Variants in NKAIN2 observed in about 807,000 individuals in gnomAD.
The protein encoded by NKAIN2 is sodium/potassium transporting ATPase interacting 2.
Under a neutral mutation model 32.6 loss-of-function variants are expected in NKAIN2, and 14 were observed. The ratio of observed to expected loss-of-function variants is 0.43; its 90% CI spans 0.28 to 0.67. The LOEUF (loss-of-function observed/expected upper bound fraction) is 0.67, where lower values mean the gene tolerates loss of function less well. Ranked by LOEUF, NKAIN2 falls within the 30% of genes least tolerant of loss-of-function variation. The pLI is 0.17. For synonymous variants in NKAIN2, 80 were observed against 87.2 expected (o/e 0.92, Z 0.46); for missense variants, 198 against 258.3 (o/e 0.77, Z 1.60).
At chr6:124,096,636 T>G (rs561332043) in intron 1 of NKAIN2, among the ~76,000 whole-genome samples, 1 of 152,204 alleles carries the variant, frequency 6.6e-6, no homozygotes, top group African/African-American at 2.4e-5. Context: ...TGGGCTTGTG[T>G]TATTAAAGGA....
At chr6:124,039,618 G>A (rs1012912323) in intron 1 of NKAIN2, among the ~76,000 whole-genome samples, 4 of 151,480 alleles carry the variant, frequency 2.6e-5, no homozygotes, top group Non-Finnish European at 5.9e-5. Flanking sequence ...CAAAAATTGG[G>A]CATTTAATTT....
At chr6:124,749,417 G>A (rs144447568) in intron 4 of NKAIN2, among the ~76,000 whole-genome samples, 34 of 152,030 alleles carry the variant, frequency 2.2e-4, no homozygotes, top group African/African-American at 6.5e-4. Context: ...GGGGATGGAC[G>A]TATTTGGGGA....
At chr6:124,051,462 A>T (rs182069639) in intron 1 of NKAIN2, among the ~76,000 whole-genome samples, 13 of 152,084 alleles carry the variant, frequency 8.5e-5, no homozygotes. Context: ...TTTAGGGTAC[A>T]TGTACACAAC....
intron 6 of NKAIN2, among the ~76,000 whole-genome samples, chr6:124,820,920 C>G (rs1781366004): frequency 6.6e-6 from 1 of 152,090 alleles, no homozygotes; most frequent in Non-Finnish European, 1.5e-5. Context: ...TCCACAAAAC[C>G]AGTCTCTGGT....
intron 1 of NKAIN2, among the ~76,000 whole-genome samples, chr6:124,163,937 G>C (rs2114464003): frequency 6.6e-6 from 1 of 152,120 alleles, no homozygotes; most frequent in South Asian, 2.1e-4. Flanking sequence ...ATAGAGAGCA[G>C]GCTGTTATAG....
intron 1 of NKAIN2, among the ~76,000 whole-genome samples, chr6:123,855,879 G>A (rs1300435774): frequency 1.3e-5 from 2 of 152,148 alleles, no homozygotes; most frequent in East Asian, 1.9e-4. Context: ...GGAATACTAG[G>A]TTGGCCTTAT....
rs534091769 is a variant in NKAIN2, at chr6:123,860,757, A to G, written c.54+56503A>G. 8.5e-5 allele frequency among the ~76,000 whole-genome samples: 13 copies of G among 152,276 alleles called. No homozygotes were observed. The East Asian group carries it at 2.3e-3, about 27-fold the overall frequency. ...CTGAATTTATTGAAGCTTTTTATAT[A>G]TGAAAAATTATTTCCCTCTCTTCTG... On this transcript the variant is annotated intron_variant, in intron 1 of 6. Transcript: ENST00000368417.
Position 124,709,459 on chromosome 6 carries a change from C to T in NKAIN2, c.474+51073C>T, listed in dbSNP as rs965031689. The stretch of plus-strand genomic sequence containing the variant: ...CTCTGGTAGAATTCGGCTGTGAATC[C>T]ATCTGGTCCTGGACTCTTTATGGTT... On this transcript the variant is annotated intron_variant, in intron 4 of 6. Coordinates refer to ENST00000368417, the MANE Select transcript of NKAIN2 (RefSeq NM_001040214.3). 4.5e-4 allele frequency among the ~76,000 whole-genome samples: 68 copies of T among 151,840 alleles called. 1 individual carries two copies. Among genetic ancestry groups the T allele is most frequent in the African/African-American group, 1.5e-3 (61 of 41,410 alleles).
At chr6:124,769,267 G>A (rs1394687204) in intron 4 of NKAIN2, among the ~76,000 whole-genome samples, 1 of 152,132 alleles carries the variant, frequency 6.6e-6, no homozygotes. Flanking sequence ...AGATGCCCTA[G>A]GCAGTCAGAA....
chr6:124,395,288 ATCT>A (rs746153740), intron 3 of NKAIN2, among the ~76,000 whole-genome samples: 7 of 152,206 alleles, frequency 4.6e-5, no homozygotes, highest in Non-Finnish European at 7.4e-5. Context: ...CCAGAGAGAA[ATCT>A]TCTATGAAAT....
intron 3 of NKAIN2, among the ~76,000 whole-genome samples, chr6:124,512,221 A>G (rs1305954570): frequency 6.6e-6 from 1 of 152,198 alleles, no homozygotes; most frequent in Admixed American, 6.5e-5. Context: ...TACATGTTGC[A>G]GCTACACAGG....
Position 124,735,803 on chromosome 6 carries a change from T to C in NKAIN2, c.475-55536T>C, listed in dbSNP as rs1350153191. ...ATGGAGAACTTAATCAATAATGTTA[T>C]ATGTGTTCTGACTGCTCAATTCACT... On this transcript the variant is annotated intron_variant, in intron 4 of 6. Transcript: ENST00000368417. 2.0e-5 allele frequency among the ~76,000 whole-genome samples: 3 copies of C among 151,880 alleles called. No homozygotes were observed. In the East Asian group the frequency reaches 5.8e-4, roughly 29 times the overall value.
At chr6:124,074,825 C>T (rs1408859598) in intron 1 of NKAIN2, among the ~76,000 whole-genome samples, 1 of 152,294 alleles carries the variant, frequency 6.6e-6, no homozygotes. Flanking sequence ...ACGGAATACG[C>T]ATATTCCTTA....
rs565253023 is a variant in NKAIN2, at chr6:124,751,752, G to A, written c.475-39587G>A. On this transcript the variant is annotated intron_variant, in intron 4 of 6. Coordinates refer to ENST00000368417, the MANE Select transcript of NKAIN2 (RefSeq NM_001040214.3). ...CTAACACTTTAGGAGGCTAAGGCAG[G>A]AGGATTGCTTGAGCCCAGGAGTTGG... Among the ~76,000 whole-genome samples, 264 of 151,744 alleles carry A rather than the reference G, an allele frequency of 1.7e-3. 3 individuals carry two copies. Among genetic ancestry groups the A allele is most frequent in the African/African-American group, 5.9e-3 (244 of 41,420 alleles).
At chr6:124,365,721 G>A (rs188285160) in intron 3 of NKAIN2, among the ~76,000 whole-genome samples, 1 of 151,770 alleles carries the variant, frequency 6.6e-6, no homozygotes, top group African/African-American at 2.4e-5. Flanking sequence ...AAACAAAAGG[G>A]TTTTCAAAGG....
intron 1 of NKAIN2, among the ~76,000 whole-genome samples, chr6:124,180,543 A>G (rs1257708271): frequency 1.3e-5 from 2 of 152,128 alleles, no homozygotes; most frequent in Non-Finnish European, 2.9e-5. Flanking sequence ...GCCAAACCAT[A>G]TCATTCCACC....
At chr6:124,511,184 G>C (rs1778696875) in intron 3 of NKAIN2, among the ~76,000 whole-genome samples, 1 of 152,052 alleles carries the variant, frequency 6.6e-6, no homozygotes, top group Non-Finnish European at 1.5e-5. Context: ...CCAGAGATTG[G>C]TTTTAATCTG....
At chr6:124,491,303 A>T (rs975287443) in intron 3 of NKAIN2, among the ~76,000 whole-genome samples, 1 of 151,896 alleles carries the variant, frequency 6.6e-6, no homozygotes, top group African/African-American at 2.4e-5. Context: ...GCTCTGCTCT[A>T]CTGTGCTCTC....
At chr6:124,733,267 T>C (rs553214365) in intron 4 of NKAIN2, among the ~76,000 whole-genome samples, 11 of 151,866 alleles carry the variant, frequency 7.2e-5, no homozygotes, top group Non-Finnish European at 1.5e-4. Flanking sequence ...TTTATAAAAA[T>C]CCACAGAATA....
Sources: allele counts gnomAD v4.1 joint callset (sites outside exome capture counted in the v4.1 genomes callset), GRCh38; gene constraint gnomAD v4.1.1; transcripts MANE v1.5; gene names NCBI Gene and HGNC (gene_info 2026-07-23, HGNC 2026-07-21).